The following PYGB variants were observed in gnomAD, a reference collection of about 807,000 sequenced individuals.
PYGB encodes the protein glycogen phosphorylase B, also known as glycogen phosphorylase, brain form.
In PYGB, 82 loss-of-function variants were observed where a neutral mutation model predicts 94.3. The ratio of observed to expected loss-of-function variants is 0.87; its 90% CI spans 0.73 to 1.04. PYGB has a LOEUF of 1.04. Ranked by LOEUF, PYGB falls within the 50% of genes least tolerant of loss-of-function variation. The probability of loss-of-function intolerance (pLI) is 0.00; values close to 1 mark genes in which losing one functional copy is unlikely to be tolerated. For synonymous variants in PYGB, 488 were observed against 479.1 expected (o/e 1.02, Z -0.24); for missense variants, 1,132 against 1,158.2 (o/e 0.98, Z 0.33).
chr20:25,251,963 C>T (rs944449980), intron 1 of PYGB, among the ~76,000 whole-genome samples: 1 of 152,330 alleles, frequency 6.6e-6, no homozygotes, highest in Non-Finnish European at 1.5e-5. Context: ...AAGTGTTTTG[C>T]AGACCCTTCT....
At chr20:25,292,267 G>GGAGCAGGGAGTGA in intron 16 of PYGB, 139 bp from the exon 17 acceptor site, 1 of 995,670 alleles carries the variant, frequency 1.0e-6, no homozygotes, top group Non-Finnish European at 1.5e-6. Context: ...AGCGGGAGTG[G>GGAGCAGGGAGTGA]GGGCTGGAGC....
chr20:25,294,514 G>C (rs1382408317), intron 18 of PYGB, among the ~76,000 whole-genome samples: 1 of 152,244 alleles, frequency 6.6e-6, no homozygotes, highest in Non-Finnish European at 1.5e-5. Flanking sequence ...GCGAGACACA[G>C]CAGCACAGTC....
At chr20:25,272,947 C>T (rs534386877) in intron 4 of PYGB, among the ~76,000 whole-genome samples, 99 of 152,324 alleles carry the variant, frequency 6.5e-4, no homozygotes, top group African/African-American at 2.3e-3. Flanking sequence ...AGACATTTTT[C>T]CTTCTGGTGG....
At chr20:25,286,284 T>G (rs180742466) in intron 14 of PYGB, among the ~76,000 whole-genome samples, 1 of 152,222 alleles carries the variant, frequency 6.6e-6, no homozygotes, top group Non-Finnish European at 1.5e-5. Context: ...TCTGGCCTTC[T>G]TCCTTGGTGC....
intron 5 of PYGB, among the ~76,000 whole-genome samples, chr20:25,275,164 C>T (rs960515464): frequency 3.9e-5 from 6 of 152,390 alleles, no homozygotes; most frequent in East Asian, 1.9e-4. Context: ...TGGCGCCATA[C>T]GTGGCCCATG....
chr20:25,251,647 G>A (rs1233457847), intron 1 of PYGB, among the ~76,000 whole-genome samples: 1 of 152,156 alleles, frequency 6.6e-6, no homozygotes, highest in African/African-American at 2.4e-5. Context: ...AGTTATGAGA[G>A]TCACGGGATC....
chr20:25,249,850 ATTTT>A lies in PYGB; in HGVS notation c.243+1442_243+1445del, dbSNP rs5841051. Among the ~76,000 whole-genome samples, 5 of 144,328 alleles carry A rather than the reference ATTTT, an allele frequency of 3.5e-5. No individual in the cohort carries two copies. The South Asian group carries it at 1.1e-3, about 32-fold the overall frequency. The allele number at this position is 144,328 out of a possible 152,430, so 94.7% of individuals were successfully genotyped here. A position where few individuals can be genotyped will look rare whatever the true frequency, so the allele number is the denominator to read the frequency against. ...TGGGAGAGTTCTGATGCACAGCACC[ATTTT>A]TTTTTTTTTTTTAATTCTGAGTCTT... On this transcript the variant is annotated intron_variant, in intron 1 of 19. Transcript: ENST00000216962.
intron 1 of PYGB, among the ~76,000 whole-genome samples, chr20:25,252,539 G>A (rs550865814): frequency 1.6e-3 from 245 of 152,340 alleles, no homozygotes; most frequent in Non-Finnish European, 2.7e-3. Context: ...ACCTCTGACC[G>A]ACAGCCTCCT....
chr20:25,278,960 G>A, intron 8 of PYGB, 97 bp from the exon 9 acceptor site: 1 of 1,212,596 alleles, frequency 8.2e-7, no homozygotes, highest in Non-Finnish European at 1.2e-6. Context: ...GGGGTGGGCT[G>A]GGCTGGCTCC....
At position 25,248,373 on chromosome 20, in the gene PYGB, G is replaced by C. The variant is rs781522503; in HGVS notation, c.195G>C (p.Val65=). ...ALAHTVRDHL[V]GRWIRTQQHY... The stretch of plus-strand genomic sequence containing the variant: ...CGCACACGGTGCGCGACCACCTCGT[G>C]GGCCGCTGGATCCGCACGCAGCAGC... Residue 65 remains valine, a synonymous_variant, in exon 1 of 20, where the codon GTG becomes GTC. Coordinates refer to ENST00000216962, the MANE Select transcript of PYGB (RefSeq NM_002862.4). The C allele has an allele frequency of 6.3e-7, 1 of 1,593,974 alleles. No individual in the cohort carries two copies. Among genetic ancestry groups the C allele is most frequent in the South Asian group, 1.1e-5 (1 of 88,570 alleles).
chr20:25,259,070 G>A (rs1315897233), intron 1 of PYGB, among the ~76,000 whole-genome samples, 167 bp from the exon 2 acceptor site: 1 of 152,236 alleles, frequency 6.6e-6, no homozygotes, highest in East Asian at 1.9e-4. Context: ...GCTTTTGGGG[G>A]CTGCGGTCAG....
chr20:25,260,734 G>A (rs184270597), intron 2 of PYGB, among the ~76,000 whole-genome samples: 1 of 152,338 alleles, frequency 6.6e-6, no homozygotes, highest in East Asian at 1.9e-4. Context: ...CCTAGCCAAG[G>A]GAAGCTGTGA....
chr20:25,288,792 T>TG (rs761658741), intron 15 of PYGB, among the ~76,000 whole-genome samples: 19 of 152,202 alleles, frequency 1.2e-4, no homozygotes, highest in Non-Finnish European at 2.4e-4. Context: ...CACAGGGCGT[T>TG]GTGGCTGCTT....
chr20:25,271,316 G>C (rs1600728680), intron 3 of PYGB, 67 bp from the exon 4 acceptor site: 1 of 1,476,280 alleles, frequency 6.8e-7, no homozygotes, highest in Non-Finnish European at 9.5e-7. Flanking sequence ...CGCCCTGTGG[G>C]CTGCCTCCGC....
intron 13 of PYGB, among the ~76,000 whole-genome samples, chr20:25,283,814 C>T (rs553330035): frequency 3.9e-5 from 6 of 152,260 alleles, no homozygotes; most frequent in Non-Finnish European, 5.9e-5. Flanking sequence ...CGCGCTGCTC[C>T]GCCGCCTGCA....
In PYGB at chr20:25,294,215, G is replaced by T. The variant is rs2088503380; in HGVS notation, c.2235G>T (p.Gln745His). ...CCGAGCTGAAGCAGGCCGTGGACCA[G>T]ATCAGCAGTGGCTTTTTTTCTCCCA... The part of the protein sequence containing the change: ...HLPELKQAVD[Q>H]ISSGFFSPKE... The change falls in exon 18 of 20, where the codon CAG (glutamine) becomes CAT (histidine). Residue 745 changes from glutamine (Q) to histidine (H), a missense_variant. Coordinates refer to ENST00000216962, the MANE Select transcript of PYGB (RefSeq NM_002862.4). 1 of 1,613,678 alleles carries T rather than the reference G, an allele frequency of 6.2e-7. No homozygotes were observed. The highest frequency in any genetic ancestry group is 2.2e-5 in the East Asian group (1 of 44,860).
Position 25,292,678 on chromosome 20 carries a change from G to A in PYGB, c.2177+65G>A, listed in dbSNP as rs890570780. On this transcript the variant is annotated intron_variant, in intron 17 of 19. Coordinates refer to ENST00000216962, the MANE Select transcript of PYGB (RefSeq NM_002862.4). ...TGGAGAATGAAGGGTGTTGGGCTGGGGGCATTGGCTGGACTGGGCTCTTGG... is the reference window on the plus strand; with the variant it reads ...TGGAGAATGAAGGGTGTTGGGCTGGAGGCATTGGCTGGACTGGGCTCTTGG... The A allele has an allele frequency of 9.7e-6, 15 of 1,544,850 alleles. No homozygotes were observed. In the African/African-American group the frequency reaches 1.8e-4, roughly 18 times the overall value.
chr20:25,249,883 C>T (rs2092882768), intron 1 of PYGB, among the ~76,000 whole-genome samples: 1 of 151,442 alleles, frequency 6.6e-6, no homozygotes, highest in Admixed American at 6.6e-5. Flanking sequence ...GAGTCTTGCC[C>T]TGTAGCGTGA....
intron 17 of PYGB, 47 bp downstream of exon 17, chr20:25,292,660 T>G (rs1255759183): frequency 6.3e-7 from 1 of 1,582,752 alleles, no homozygotes; most frequent in Non-Finnish European, 8.6e-7. Context: ...GGATGGAGAA[T>G]GAAGGGTGTT....
Sources: allele counts gnomAD v4.1 joint callset (sites outside exome capture counted in the v4.1 genomes callset), GRCh38; gene constraint gnomAD v4.1.1; transcripts MANE v1.5; gene names NCBI Gene and HGNC (gene_info 2026-07-23, HGNC 2026-07-21).